The following KCNQ3 variants were observed in gnomAD, a reference collection of about 807,000 sequenced individuals.
KCNQ3 encodes potassium voltage-gated channel subfamily Q member 3, also known as potassium voltage-gated channel subfamily KQT member 3.
In KCNQ3, 30 loss-of-function variants were observed where a neutral mutation model predicts 92.5. That is an observed-to-expected ratio of 0.32 (90% CI 0.24 to 0.44). The LOEUF (loss-of-function observed/expected upper bound fraction) is 0.44. Among genes scored for constraint, KCNQ3 ranks in the 20% least tolerant of loss-of-function variants. The pLI is 1.00. For synonymous variants in KCNQ3, 450 were observed against 468.8 expected (o/e 0.96, Z 0.52); for missense variants, 913 against 1,140.3 (o/e 0.80, Z 2.87).
rs1165136231 is a variant in KCNQ3 at position 132,125,798 on chromosome 8, T to C, written c.*3464A>G. ...TTTCATGAAAACTAGGGCTTTGTAATATCAATGTCATGTCTAATAAGCCTA... is the reference window on the plus strand; with the variant it reads ...TTTCATGAAAACTAGGGCTTTGTAACATCAATGTCATGTCTAATAAGCCTA... On this transcript the variant is annotated 3_prime_UTR_variant, in exon 15 of 15. Transcript: ENST00000388996. 1 of 152,218 alleles carries C rather than the reference T, an allele frequency of 6.6e-6. No individual in the cohort carries two copies. Among genetic ancestry groups the C allele is most frequent in the Admixed American group, 6.5e-5 (1 of 15,282 alleles). The allele number at this position is 152,218 out of a possible 1,614,324, so 9.4% of individuals were successfully genotyped here.
intron 9 of KCNQ3, among the ~76,000 whole-genome samples, chr8:132,162,724 G>A (rs949057463): frequency 2.0e-5 from 3 of 152,162 alleles, no homozygotes; most frequent in Non-Finnish European, 4.4e-5. Flanking sequence ...TGTGGATAGG[G>A]CTTCATGGAA....
intron 1 of KCNQ3, among the ~76,000 whole-genome samples, chr8:132,396,579 G>A (rs993881163): frequency 6.6e-6 from 1 of 152,116 alleles, no homozygotes; most frequent in African/African-American, 2.4e-5. Context: ...CCAAAACTTT[G>A]GAAAAATACC....
In KCNQ3 at chr8:132,137,365, T is replaced by A. The variant is rs961368860; in HGVS notation, c.1700+520A>T. On this transcript the variant is annotated intron_variant, in intron 12 of 14. Transcript: ENST00000388996. The stretch of plus-strand genomic sequence containing the variant: ...AGCTTCAGTTTCCTCATTGGAAAAA[T>A]GGCACTCTAATGCAATATCTTGTGA... Among the ~76,000 whole-genome samples the A allele has an allele frequency of 7.5e-4, 114 of 152,172 alleles. 4 individuals are homozygous for A. The highest frequency in any genetic ancestry group is 1.2e-4 in the African/African-American group (5 of 41,434).
chr8:132,398,373 G>A (rs923251311), intron 1 of KCNQ3, among the ~76,000 whole-genome samples: 5 of 151,886 alleles, frequency 3.3e-5, no homozygotes, highest in Admixed American at 2.6e-4. Flanking sequence ...TTTTGAAAAT[G>A]CTTTATAGAA....
intron 1 of KCNQ3, among the ~76,000 whole-genome samples, chr8:132,436,708 A>G (rs996672893): frequency 6.6e-6 from 1 of 152,190 alleles, no homozygotes; most frequent in Non-Finnish European, 1.5e-5. Flanking sequence ...TTAAAGACTC[A>G]TTTTTAATCC....
At chr8:132,172,718 T>G in intron 6 of KCNQ3, 25 bp from the exon 7 acceptor site, 1 of 1,561,204 alleles carries the variant, frequency 6.4e-7, no homozygotes, top group Non-Finnish European at 8.8e-7. Context: ...AGGCAGGCAG[T>G]CAGCCCCCAG....
intron 1 of KCNQ3, among the ~76,000 whole-genome samples, chr8:132,387,837 CA>C (rs549199065): frequency 2.6e-5 from 4 of 151,602 alleles, no homozygotes; most frequent in Non-Finnish European, 4.4e-5. Flanking sequence ...CCCATCTCTA[CA>C]AAAAAAATTT....
At chr8:132,263,789 A>G (rs1220408360) in intron 1 of KCNQ3, among the ~76,000 whole-genome samples, 3 of 152,164 alleles carry the variant, frequency 2.0e-5, no homozygotes, top group East Asian at 1.9e-4. Flanking sequence ...GGGAACATCT[A>G]TGACTTCATC....
chr8:132,302,130 G>A (rs1185280464), intron 1 of KCNQ3, among the ~76,000 whole-genome samples: 2 of 152,184 alleles, frequency 1.3e-5, no homozygotes, highest in Non-Finnish European at 2.9e-5. Context: ...AAGTGGGGAC[G>A]AGGATGGGCT....
chr8:132,370,055 C>T (rs1327332485), intron 1 of KCNQ3, among the ~76,000 whole-genome samples: 4 of 152,142 alleles, frequency 2.6e-5, no homozygotes, highest in African/African-American at 9.7e-5. Context: ...GTCTCCTAGC[C>T]TGGCTGACTC....
At chr8:132,387,862 C>T (rs1438834080) in intron 1 of KCNQ3, among the ~76,000 whole-genome samples, 1 of 151,894 alleles carries the variant, frequency 6.6e-6, no homozygotes, top group Non-Finnish European at 1.5e-5. Context: ...TAATTAGCCA[C>T]TTGAACCTGG....
In KCNQ3 at chr8:132,394,413, T is replaced by C. The variant is rs145691129; in HGVS notation, c.386+85734A>G. ...GGGAACATGACTCAGTTTCCCTATG[T>C]CATAGAAAACAGTGATAAGAGTGTG... On this transcript the variant is annotated intron_variant, in intron 1 of 14. Coordinates refer to ENST00000388996, the MANE Select transcript of KCNQ3 (RefSeq NM_004519.4). 7.1e-3 allele frequency among the ~76,000 whole-genome samples: 1,086 copies of C among 152,274 alleles called. 14 individuals carry two copies. Among genetic ancestry groups the C allele is most frequent in the African/African-American group, 0.024 (1,016 of 41,546 alleles).
At chr8:132,436,312 G>A (rs1209936249) in intron 1 of KCNQ3, among the ~76,000 whole-genome samples, 2 of 152,152 alleles carry the variant, frequency 1.3e-5, no homozygotes, top group African/African-American at 4.8e-5. Flanking sequence ...TATCACAGAA[G>A]ATGCTATAAA....
At chr8:132,131,448 G>A (rs546655838) in intron 14 of KCNQ3, among the ~76,000 whole-genome samples, 2 of 152,142 alleles carry the variant, frequency 1.3e-5, no homozygotes, top group African/African-American at 2.4e-5. Context: ...CCCTCCTTCC[G>A]GCCTCTTCAC....
intron 1 of KCNQ3, among the ~76,000 whole-genome samples, chr8:132,336,431 A>G (rs1315177840): frequency 6.6e-6 from 1 of 152,218 alleles, no homozygotes; most frequent in African/African-American, 2.4e-5. Flanking sequence ...CCTCTTCTGT[A>G]GAAAGTACCT....
intron 1 of KCNQ3, among the ~76,000 whole-genome samples, chr8:132,187,002 C>T (rs538888975): frequency 4.2e-5 from 3 of 71,044 alleles, no homozygotes; most frequent in East Asian, 7.6e-4. Flanking sequence ...GAGAGACAGT[C>T]CCTGTTTCAT....
At chr8:132,294,133 T>C (rs2130563758) in intron 1 of KCNQ3, among the ~76,000 whole-genome samples, 1 of 151,724 alleles carries the variant, frequency 6.6e-6, no homozygotes, top group Admixed American at 6.6e-5. Flanking sequence ...CCCAAGTAGC[T>C]GGGACCACAG....
chr8:132,398,906 G>A (rs1359286133), intron 1 of KCNQ3, among the ~76,000 whole-genome samples: 1 of 152,216 alleles, frequency 6.6e-6, no homozygotes. Context: ...CCCTGAGACA[G>A]CCTAAGTTAA....
At chr8:132,302,305 T>C (rs1817239924) in intron 1 of KCNQ3, among the ~76,000 whole-genome samples, 1 of 152,218 alleles carries the variant, frequency 6.6e-6, no homozygotes, top group Admixed American at 6.5e-5. Flanking sequence ...CGAATCCAGA[T>C]TTCCCTCTTC....
Sources: gnomAD v4.1 joint callset for allele counts (sites outside exome capture counted in the v4.1 genomes callset) on GRCh38, gnomAD v4.1.1 for gene constraint, MANE v1.5 for transcripts, NCBI Gene and HGNC (gene_info 2026-07-23, HGNC 2026-07-21) for gene names.